The following TUBB4A variants were observed in gnomAD, a reference collection of about 807,000 sequenced individuals.
TUBB4A encodes tubulin beta 4A class IVa, also known as tubulin beta-4A chain.
In TUBB4A, 13 loss-of-function variants were observed where a neutral mutation model predicts 35.1. That is an observed-to-expected ratio of 0.37 (90% CI 0.24 to 0.59). The LOEUF is 0.59. Ranked by LOEUF, TUBB4A falls within the 20% of genes least tolerant of loss-of-function variation. The pLI is 0.71. For synonymous variants in TUBB4A, 279 were observed against 272.4 expected (o/e 1.02, Z -0.24); for missense variants, 299 against 647.2 (o/e 0.46, Z 5.84).
At chr19:6,502,389 G>A (rs1050943045), upstream of TUBB4A, 109 of 664,730 alleles carry the variant, frequency 1.6e-4, no homozygotes, top group Non-Finnish European at 2.3e-4. Context: ...TCCGCCCCTT[G>A]GTCCCGCCCC....
chr19:6,502,462 T>C, upstream of TUBB4A: 1 of 472,816 alleles, frequency 2.1e-6, no homozygotes. Flanking sequence ...CCAGGGGGCC[T>C]CCCAGAGAAG....
Position 6,502,275 on chromosome 19 carries a change from C to CGAGGGTGGAAGATGCGGCGGA in TUBB4A, c.-84_-64dup. 1.4e-6 allele frequency: 2 copies of CGAGGGTGGAAGATGCGGCGGA among 1,459,368 alleles called. No homozygotes were observed. Among genetic ancestry groups the CGAGGGTGGAAGATGCGGCGGA allele is most frequent in the South Asian group, 2.7e-5 (2 of 73,784 alleles). 90.4% of individuals were successfully genotyped at this position (1,459,368 alleles called of 1,614,324 possible). On this transcript the variant is annotated 5_prime_UTR_variant, in exon 1 of 4. Coordinates refer to ENST00000264071, the MANE Select transcript of TUBB4A (RefSeq NM_006087.4). ...CGAGCGCGGGGAGCTGCGGCGGCGG[C>CGAGGGTGGAAGATGCGGCGGA]GAGGGTGGAAGATGCGGCGGAGACG...
chr19:6,500,074 A>G, intron 3 of TUBB4A, among the ~76,000 whole-genome samples: 1 of 152,020 alleles, frequency 6.6e-6, no homozygotes, highest in South Asian at 2.1e-4. Context: ...TACAGGTGTG[A>G]GCCACCGTGC....
chr19:6,500,746 A>G (rs1310068166), intron 3 of TUBB4A: 1 of 1,924 alleles, frequency 5.2e-4, no homozygotes, highest in East Asian at 2.3e-3. Flanking sequence ...ACCCTGTCTG[A>G]AAAAAAAAAA....
rs537155618 is a variant in TUBB4A, at chr19:6,496,641, T to TAATAATAAC, written c.278-421_278-420insGTTATTATT. ...GCGAGACTCCGTCTCAAAATAATAATAATAATAATAATAATAAATAATAAC... is the reference window on the plus strand; with the variant it reads ...GCGAGACTCCGTCTCAAAATAATAATAATAATAACAATAATAATAATAATAAATAATAAC... On this transcript the variant is annotated intron_variant, in intron 3 of 3. Coordinates refer to ENST00000264071, the MANE Select transcript of TUBB4A (RefSeq NM_006087.4). Among the ~76,000 whole-genome samples, 1,037 of 146,490 alleles carry TAATAATAAC rather than the reference T, an allele frequency of 7.1e-3. 12 individuals carry two copies. Among genetic ancestry groups the TAATAATAAC allele is most frequent in the African/African-American group, 0.023 (909 of 40,096 alleles).
chr19:6,498,094 T>C (rs1168677540), intron 3 of TUBB4A, among the ~76,000 whole-genome samples: 3 of 148,492 alleles, frequency 2.0e-5, no homozygotes, highest in Non-Finnish European at 3.0e-5. Flanking sequence ...GCCTGTAGTC[T>C]CAGCTACTCG....
In TUBB4A at chr19:6,495,342, G is replaced by A. The variant is rs1463225617; in HGVS notation, c.1157C>T (p.Thr386Met). The A allele has an allele frequency of 3.1e-6, 5 of 1,613,772 alleles. No individual in the cohort carries two copies. The highest frequency in any genetic ancestry group is 4.2e-6 in the Non-Finnish European group (5 of 1,179,960). ...ELFKRISEQF[T>M]AMFRRKAFLH... The stretch of plus-strand genomic sequence containing the variant: ...GAAGGCCTTGCGCCGGAACATGGCC[G>A]TGAACTGCTCGGAGATGCGCTTGAA... Residue 386 changes from threonine (T) to methionine (M), a missense_variant, in exon 4 of 4, where the codon ACG becomes ATG. Transcript: ENST00000264071. This position sits in a 1 kb window ranked among gnomAD's most constrained non-coding sequence, Gnocchi z 8.7.
chr19:6,495,006 G>A lies in TUBB4A; in HGVS notation c.*158C>T, dbSNP rs1914053060. On this transcript the variant is annotated 3_prime_UTR_variant, in exon 4 of 4. Transcript: ENST00000264071. This position sits in a 1 kb window ranked among gnomAD's most constrained non-coding sequence, Gnocchi z 8.7. ...TCAAAGGGGAGCCAGGGTCGGAGAT[G>A]AAGTAGCCAGAGGTAAAGCGAGCTC... 1 of 849,878 alleles carries A rather than the reference G, an allele frequency of 1.2e-6. No individual in the cohort carries two copies. Among genetic ancestry groups the A allele is most frequent in the South Asian group, 1.8e-5 (1 of 55,948 alleles). 52.6% of individuals were successfully genotyped at this position (849,878 alleles called of 1,614,324 possible).
Position 6,502,214 on chromosome 19 carries a change from G to A in TUBB4A, c.-2C>T, listed in dbSNP as rs748822025. On this transcript the variant is annotated 5_prime_UTR_variant, in exon 1 of 4. Coordinates refer to ENST00000264071, the MANE Select transcript of TUBB4A (RefSeq NM_006087.4). The stretch of plus-strand genomic sequence containing the variant: ...CTGCAGGTGCACGATCTCCCGCATG[G>A]CGGTGGCGCTGAGGGTGGACGCGGC... 1.3e-6 allele frequency: 2 copies of A among 1,556,024 alleles called. No individual in the cohort carries two copies. Among genetic ancestry groups the A allele is most frequent in the Non-Finnish European group, 8.6e-7 (1 of 1,159,514 alleles).
intron 3 of TUBB4A, among the ~76,000 whole-genome samples, chr19:6,499,301 C>CAA (rs76385255): frequency 7.8e-6 from 1 of 127,670 alleles, no homozygotes; most frequent in Non-Finnish European, 1.7e-5. Context: ...GACTCCGTCT[C>CAA]AAAAAAAAAA....
Position 6,501,164 on chromosome 19 carries a change from T to C in TUBB4A, c.277+123A>G, listed in dbSNP as rs1914510558. ...CTCATCACAGCCCTGGATGCAGGGC[T>C]GGTGCCTGGTGCCCTGTCCACCCCA... On this transcript the variant is annotated intron_variant, in intron 3 of 3. Transcript: ENST00000264071. The surrounding 1 kb of genome is among the most constrained non-coding windows in gnomAD (Gnocchi z 4.2). 1.4e-6 allele frequency: 1 copy of C among 723,294 alleles called. No individual in the cohort carries two copies. Among genetic ancestry groups the C allele is most frequent in the African/African-American group, 1.8e-5 (1 of 56,452 alleles). The allele number at this position is 723,294 out of a possible 1,614,324, so 44.8% of individuals were successfully genotyped here.
chr19:6,498,850 C>T (rs1914397624), intron 3 of TUBB4A, among the ~76,000 whole-genome samples: 2 of 152,318 alleles, frequency 1.3e-5, no homozygotes, highest in South Asian at 4.1e-4. Flanking sequence ...GATTTCAAAA[C>T]ATAATGATGC....
At chr19:6,502,008 C>T in intron 1 of TUBB4A, 148 bp downstream of exon 1, 1 of 833,628 alleles carries the variant, frequency 1.2e-6, no homozygotes, top group Non-Finnish European at 1.8e-6. Flanking sequence ...CACCCCGCGA[C>T]CCTTCCCCCA....
Sources: gnomAD v4.1 joint callset for allele counts (sites outside exome capture counted in the v4.1 genomes callset) on GRCh38, gnomAD v4.1.1 for gene constraint, Gnocchi (gnomAD v3.1) non-coding constraint, MANE v1.5 for transcripts, NCBI Gene and HGNC (gene_info 2026-07-23, HGNC 2026-07-21) for gene names.